Variants in ALDH2 observed in about 807,000 individuals in gnomAD.
ALDH2 encodes aldehyde dehydrogenase 2 family member.
A neutral mutation model predicts 59.6 loss-of-function variants in ALDH2; 44 were observed. The ratio of observed to expected loss-of-function variants is 0.74; its 90% CI spans 0.58 to 0.95. The LOEUF is 0.95. Among genes scored for constraint, ALDH2 ranks in the 40% least tolerant of loss-of-function variants. The pLI is 0.00. For missense variants in ALDH2, 570 were observed against 696.3 expected, an observed-to-expected ratio of 0.82 and a Z score of 2.04; for synonymous variants, 291 against 284.0, an observed-to-expected ratio of 1.02 and a Z score of -0.25.
intron 1 of ALDH2, among the ~76,000 whole-genome samples, chr12:111,771,986 C>T (rs1387762444): frequency 6.6e-6 from 1 of 151,982 alleles, no homozygotes; most frequent in African/African-American, 2.4e-5. Context: ...GTAATCCCAG[C>T]TACTCCGGAG....
intron 12 of ALDH2, among the ~76,000 whole-genome samples, chr12:111,807,892 T>C (rs1461306595): frequency 6.7e-6 from 1 of 150,020 alleles, no homozygotes; most frequent in Non-Finnish European, 1.5e-5. Context: ...TTTTTTTTTT[T>C]CTGAGCCAGA....
chr12:111,785,116 A>C, intron 3 of ALDH2, 151 bp from the exon 4 acceptor site: 5 of 706,256 alleles, frequency 7.1e-6, no homozygotes, highest in Non-Finnish European at 1.3e-5. Context: ...GCAATAGTCC[A>C]GAGATGCTAG....
intron 9 of ALDH2, among the ~76,000 whole-genome samples, chr12:111,796,878 C>T (rs561628593): frequency 3.8e-4 from 58 of 151,940 alleles, no homozygotes; most frequent in African/African-American, 1.4e-3. Flanking sequence ...GCTCTTCAGA[C>T]TGGGCAATAG....
intron 4 of ALDH2, among the ~76,000 whole-genome samples, chr12:111,789,208 G>A (rs1173792103): frequency 3.3e-5 from 5 of 150,474 alleles, no homozygotes; most frequent in African/African-American, 4.9e-5. Flanking sequence ...TAGTAGAGAC[G>A]GGGTTTCACC....
chr12:111,798,244 T>C lies in ALDH2; in HGVS notation c.1248+2T>C. 1 of 1,550,004 alleles carries C rather than the reference T, an allele frequency of 6.5e-7. No individual in the cohort carries two copies. The highest frequency in any genetic ancestry group is 8.7e-7 in the Non-Finnish European group (1 of 1,147,238). ...GGCATGACCATCGCCAAGGAGGAGG[T>C]GAGCACTTGGGGCCAGTGCTCTGGA... is the stretch of plus-strand genomic sequence containing the variant. On this transcript the variant is annotated splice_donor_variant, in intron 10 of 12. Transcript: ENST00000261733. LOFTEE classifies it high-confidence loss of function.
At chr12:111,784,051 A>C (rs921873326) in intron 3 of ALDH2, among the ~76,000 whole-genome samples, 47 of 152,128 alleles carry the variant, frequency 3.1e-4, no homozygotes, top group African/African-American at 1.1e-3. Flanking sequence ...TATACATGGC[A>C]CTCTGCTCTT....
chr12:111,792,261 C>G, intron 8 of ALDH2, 98 bp downstream of exon 8: 1 of 969,802 alleles, frequency 1.0e-6, no homozygotes, highest in Non-Finnish European at 1.6e-6. Context: ...TGCCCAATGG[C>G]GTTGGTTGCT....
chr12:111,779,420 G>C (rs1207076593), intron 1 of ALDH2, among the ~76,000 whole-genome samples: 1 of 152,078 alleles, frequency 6.6e-6, no homozygotes, highest in Non-Finnish European at 1.5e-5. Flanking sequence ...AAATTCCTGA[G>C]CTCAAGCAAT....
chr12:111,800,736 C>T (rs569911583), intron 11 of ALDH2, among the ~76,000 whole-genome samples: 5 of 152,304 alleles, frequency 3.3e-5, no homozygotes, highest in Admixed American at 6.5e-5. Flanking sequence ...GAAAATGGCA[C>T]ACTCATTGTG....
At chr12:111,803,161 G>A (rs1416381094) in intron 11 of ALDH2, among the ~76,000 whole-genome samples, 1 of 150,736 alleles carries the variant, frequency 6.6e-6, no homozygotes, top group African/African-American at 2.4e-5. Flanking sequence ...CTCCAGCCTG[G>A]GCAACAGAGT....
chr12:111,785,154 C>T (rs958585550), intron 3 of ALDH2, 113 bp from the exon 4 acceptor site: 38 of 832,146 alleles, frequency 4.6e-5, no homozygotes, highest in Non-Finnish European at 7.2e-5. Context: ...AGCGGACTCT[C>T]ACCCTGGGCT....
chr12:111,799,258 G>A (rs994613676), intron 10 of ALDH2, among the ~76,000 whole-genome samples: 9 of 151,090 alleles, frequency 6.0e-5, no homozygotes, highest in Admixed American at 2.0e-4. Flanking sequence ...TCTGCCTCCC[G>A]GGTTCAAGCG....
At chr12:111,807,112 A>C (rs186370722) in intron 12 of ALDH2, among the ~76,000 whole-genome samples, 152 of 152,022 alleles carry the variant, frequency 1.0e-3, no homozygotes, top group African/African-American at 3.4e-3. Context: ...AAATACAAAA[A>C]ATTAGCCAGG....
intron 12 of ALDH2, among the ~76,000 whole-genome samples, chr12:111,808,579 C>CCT (rs2068514558): frequency 6.6e-6 from 1 of 152,060 alleles, no homozygotes; most frequent in Non-Finnish European, 1.5e-5. Context: ...GTTGCAGGTG[C>CCT]CTGTAGTCCC....
In ALDH2 at chr12:111,783,236, C is replaced by A. The variant is rs775694148; in HGVS notation, c.298C>A (p.His100Asn). 3.7e-6 allele frequency: 6 copies of A among 1,613,478 alleles called. No homozygotes were observed. In the South Asian group the frequency reaches 5.5e-5, roughly 15 times the overall value. ...ACCTTGGCGCCGCATGGACGCATCA[C>A]ACAGGGGCCGGCTGCTGAACCGCCT... ...GSPWRRMDAS[H>N]RGRLLNRLAD... The change falls in exon 3 of 13, where the codon CAC becomes AAC. Residue 100 changes from histidine (H) to asparagine (N), a missense_variant. Physicochemically the swap from His to Asn is moderately conservative, Grantham distance 68. Transcript: ENST00000261733.
chr12:111,805,928 CAGG>C (rs1362570095), intron 12 of ALDH2, among the ~76,000 whole-genome samples: 2 of 150,190 alleles, frequency 1.3e-5, no homozygotes, highest in African/African-American at 4.9e-5. Flanking sequence ...GAGGCTGAGG[CAGG>C]AGAATTGCTT....
chr12:111,794,971 C>G (rs188653572), intron 9 of ALDH2, among the ~76,000 whole-genome samples: 1 of 152,076 alleles, frequency 6.6e-6, no homozygotes, highest in South Asian at 2.1e-4. Flanking sequence ...TATCCTGTAC[C>G]CATTAGCAGT....
rs1282796516 is a variant in ALDH2, at chr12:111,811,862, G to C, written c.*2287G>C. The C allele has an allele frequency of 1.2e-5, 2 of 164,528 alleles. No homozygotes were observed. Among genetic ancestry groups the C allele is most frequent in the Non-Finnish European group, 2.6e-5 (2 of 77,276 alleles). 10.2% of individuals were successfully genotyped at this position (164,528 alleles called of 1,614,324 possible). On this transcript the variant is annotated 3_prime_UTR_variant, in exon 13 of 13. Coordinates refer to ENST00000261733, the MANE Select transcript of ALDH2 (RefSeq NM_000690.4). ...TGTAGAAATAAAGACACAAGACAAAGAGGTAAAAGAAAAGACAGCTGGGCT... is the reference window on the plus strand; with the variant it reads ...TGTAGAAATAAAGACACAAGACAAACAGGTAAAAGAAAAGACAGCTGGGCT...
Position 111,809,567 on chromosome 12 carries a change from A to C in ALDH2, c.1546A>C (p.Asn516His), listed in dbSNP as rs2068521170. ...GGTCACAGTCAAAGTGCCTCAGAAG[A>C]ACTCATAAGAATCATGCAAGCTTCC... is the stretch of plus-strand genomic sequence containing the variant. ...KTVTVKVPQK[N>H]S is the part of the protein sequence containing the mutation. Residue 516 changes from asparagine to histidine, a missense_variant, in exon 13 of 13, where the codon AAC becomes CAC. Coordinates refer to ENST00000261733, the MANE Select transcript of ALDH2 (RefSeq NM_000690.4). 1 of 1,614,178 alleles carries C rather than the reference A, an allele frequency of 6.2e-7. No homozygotes were observed. The highest frequency in any genetic ancestry group is 1.3e-5 in the African/African-American group (1 of 75,054).
Sources: allele counts gnomAD v4.1 joint callset (sites outside exome capture counted in the v4.1 genomes callset), GRCh38; gene constraint gnomAD v4.1.1; transcripts MANE v1.5; gene names NCBI Gene and HGNC (gene_info 2026-07-23, HGNC 2026-07-21).